LPGAT1: variants seen among roughly 807,000 people sequenced by gnomAD.
The protein encoded by LPGAT1 is lysophosphatidylglycerol acyltransferase 1.
LPGAT1 carries 11 observed loss-of-function variants against 47.5 expected under a neutral mutation model. That is an observed-to-expected ratio of 0.23 (90% CI 0.15 to 0.38). The LOEUF (loss-of-function observed/expected upper bound fraction) is 0.38. Ranked by LOEUF, LPGAT1 falls within the 10% of genes least tolerant of loss-of-function variation. The pLI is 1.00. For synonymous variants in LPGAT1, 138 were observed against 144.2 expected, an observed-to-expected ratio of 0.96 and a Z score of 0.31; for missense variants, 293 against 439.0, an observed-to-expected ratio of 0.67 and a Z score of 2.97.
chr1:211,767,870 G>T (rs533641871), intron 6 of LPGAT1, among the ~76,000 whole-genome samples: 2 of 152,214 alleles, frequency 1.3e-5, no homozygotes, highest in Non-Finnish European at 2.9e-5. Flanking sequence ...TTATCATTAG[G>T]TGAGTAATTT....
chr1:211,798,995 T>C (rs1558274401), intron 2 of LPGAT1, among the ~76,000 whole-genome samples: 1 of 152,188 alleles, frequency 6.6e-6, no homozygotes, highest in Non-Finnish European at 1.5e-5. Flanking sequence ...CCCATCTCCA[T>C]AACATTCTAG....
chr1:211,758,522 T>C (rs1369538922), intron 6 of LPGAT1, among the ~76,000 whole-genome samples: 1 of 152,000 alleles, frequency 6.6e-6, no homozygotes, highest in African/African-American at 2.4e-5. Flanking sequence ...GCTAACACGG[T>C]GAAACCCCAT....
chr1:211,829,768 C>G, intron 1 of LPGAT1: 1 of 995,158 alleles, frequency 1.0e-6, no homozygotes. Context: ...CTCCTCACCA[C>G]CACGATTCCT....
At chr1:211,788,611 G>C (rs542703587) in intron 3 of LPGAT1, among the ~76,000 whole-genome samples, 55 of 151,946 alleles carry the variant, frequency 3.6e-4, no homozygotes, top group Non-Finnish European at 7.5e-4. Context: ...GAACCCGGGA[G>C]GCACAGGTTG....
chr1:211,800,894 C>G (rs1294702577), intron 2 of LPGAT1, among the ~76,000 whole-genome samples: 1 of 152,174 alleles, frequency 6.6e-6, no homozygotes, highest in African/African-American at 2.4e-5. Context: ...CCACTAAGCT[C>G]CCAGGATATG....
At chr1:211,753,868 G>A (rs1558252831) in intron 6 of LPGAT1, among the ~76,000 whole-genome samples, 1 of 152,202 alleles carries the variant, frequency 6.6e-6, no homozygotes, top group Non-Finnish European at 1.5e-5. Flanking sequence ...CAGCTTACAA[G>A]TGGAGTCTGT....
intron 6 of LPGAT1, among the ~76,000 whole-genome samples, chr1:211,775,931 C>CAAA (rs201006748): frequency 0.17 from 13,036 of 76,842 alleles, 805 homozygotes; most frequent in Middle Eastern, 0.28. Flanking sequence ...AATGCCATCT[C>CAAA]AAAAAAAAAA....
intron 6 of LPGAT1, among the ~76,000 whole-genome samples, chr1:211,752,619 G>T (rs7518833): frequency 6.6e-6 from 1 of 150,764 alleles, no homozygotes; most frequent in Non-Finnish European, 1.5e-5. Context: ...TTACACCTTC[G>T]GTGGGGAATG....
chr1:211,759,676 T>TC (rs1489307498), intron 6 of LPGAT1, among the ~76,000 whole-genome samples: 1 of 152,226 alleles, frequency 6.6e-6, no homozygotes, highest in Non-Finnish European at 1.5e-5. Flanking sequence ...TATGCATAGA[T>TC]TAAGCTACAT....
chr1:211,759,374 C>G (rs1341046326), intron 6 of LPGAT1, among the ~76,000 whole-genome samples: 1 of 152,166 alleles, frequency 6.6e-6, no homozygotes, highest in Non-Finnish European at 1.5e-5. Context: ...TGCACATATA[C>G]CATACCCAGC....
chr1:211,816,973 A>G (rs551941502), intron 2 of LPGAT1, among the ~76,000 whole-genome samples: 2 of 152,332 alleles, frequency 1.3e-5, no homozygotes, highest in South Asian at 4.1e-4. Flanking sequence ...CACAGCTTAG[A>G]ATGATTATTT....
At chr1:211,756,815 G>A (rs553682075) in intron 6 of LPGAT1, among the ~76,000 whole-genome samples, 1 of 151,096 alleles carries the variant, frequency 6.6e-6, no homozygotes, top group Admixed American at 6.6e-5. Flanking sequence ...GAGTGAGTGG[G>A]ACTCCCTGGC....
intron 6 of LPGAT1, among the ~76,000 whole-genome samples, chr1:211,756,833 C>A (rs1451385782): frequency 1.3e-5 from 2 of 151,664 alleles, no homozygotes; most frequent in Non-Finnish European, 2.9e-5. Flanking sequence ...GGCTGAGATT[C>A]CCTTCTACAA....
intron 2 of LPGAT1, among the ~76,000 whole-genome samples, chr1:211,813,367 A>G (rs1660064471): frequency 6.6e-6 from 1 of 152,236 alleles, no homozygotes; most frequent in Non-Finnish European, 1.5e-5. Context: ...GCTTATAAAT[A>G]CGTATGTTTT....
At chr1:211,816,238 T>G (rs1660169619) in intron 2 of LPGAT1, among the ~76,000 whole-genome samples, 1 of 152,128 alleles carries the variant, frequency 6.6e-6, no homozygotes. Context: ...CTCATAGCCC[T>G]TTTCACATGT....
At chr1:211,789,394 T>C (rs1453529371) in intron 3 of LPGAT1, among the ~76,000 whole-genome samples, 4 of 152,240 alleles carry the variant, frequency 2.6e-5, no homozygotes, top group Non-Finnish European at 4.4e-5. Flanking sequence ...ACTTAAAACA[T>C]AAATTCAGTA....
chr1:211,755,474 T>C (rs1002466625), intron 6 of LPGAT1, among the ~76,000 whole-genome samples: 1 of 152,008 alleles, frequency 6.6e-6, no homozygotes, highest in Non-Finnish European at 1.5e-5. Flanking sequence ...ATGATACCTC[T>C]TTCTCTTGTT....
intron 2 of LPGAT1, among the ~76,000 whole-genome samples, chr1:211,826,498 G>A (rs1338183066): frequency 2.6e-5 from 4 of 152,084 alleles, no homozygotes; most frequent in East Asian, 1.9e-4. Flanking sequence ...TGTGCCTGAG[G>A]AGCTAAATGC....
chr1:211,750,942 T>C lies in LPGAT1; in HGVS notation c.961+19A>G, dbSNP rs760579087. On this transcript the variant is annotated intron_variant, in intron 7 of 7. Transcript: ENST00000366997. Reference sequence around the variant, plus strand: ...TACTGTTGCTATAATTTAGCAACTATTTAAAGGTTACTGTGTACCTGTTTC... The same window carrying C: ...TACTGTTGCTATAATTTAGCAACTACTTAAAGGTTACTGTGTACCTGTTTC... The C allele has an allele frequency of 1.2e-5, 19 of 1,537,590 alleles. No individual in the cohort carries two copies. The East Asian group carries it at 4.0e-4, about 33-fold the overall frequency.
Sources: allele counts gnomAD v4.1 joint callset (sites outside exome capture counted in the v4.1 genomes callset), GRCh38; gene constraint gnomAD v4.1.1; transcripts MANE v1.5; gene names NCBI Gene and HGNC (gene_info 2026-07-23, HGNC 2026-07-21).